The following ADAMTS12 variants were observed in gnomAD, a reference collection of about 807,000 sequenced individuals.
ADAMTS12 encodes ADAM metallopeptidase with thrombospondin type 1 motif 12, also known as A disintegrin and metalloproteinase with thrombospondin motifs 12.
A neutral mutation model predicts 167.8 loss-of-function variants in ADAMTS12; 118 were observed. The ratio of observed to expected loss-of-function variants is 0.70; its 90% CI spans 0.61 to 0.82. The LOEUF (loss-of-function observed/expected upper bound fraction) is 0.82. Among genes scored for constraint, ADAMTS12 ranks in the 40% least tolerant of loss-of-function variants. ADAMTS12 has a pLI of 0.00. For missense variants in ADAMTS12, 1,916 were observed against 1,998.8 expected (o/e 0.96, Z 0.79); for synonymous variants, 704 against 716.9 (o/e 0.98, Z 0.29).
At chr5:33,690,947 A>C (rs892327449) in intron 3 of ADAMTS12, among the ~76,000 whole-genome samples, 3 of 152,160 alleles carry the variant, frequency 2.0e-5, no homozygotes, top group African/African-American at 7.2e-5. Context: ...AAAATGAAGT[A>C]ATCAACCGAG....
rs58073487 is a variant in ADAMTS12, at chr5:33,779,184, A to ATT, written c.490-27638_490-27637dup. 7.6e-3 allele frequency among the ~76,000 whole-genome samples: 1,026 copies of ATT among 135,472 alleles called. 20 individuals are homozygous for ATT. Among genetic ancestry groups the ATT allele is most frequent in the Middle Eastern group, 0.012 (3 of 254 alleles). The allele number at this position is 135,472 out of a possible 152,430, so 88.9% of individuals were successfully genotyped here. ...TATATCCAAAGGAACTGAAATTAGT[A>ATT]TTTTTTTTTTTTTTTTTTTGAGACG... On this transcript the variant is annotated intron_variant, in intron 2 of 23. Transcript: ENST00000504830.
At chr5:33,631,040 T>A in intron 12 of ADAMTS12, 127 bp from the exon 13 acceptor site, 1 of 1,017,428 alleles carries the variant, frequency 9.8e-7, no homozygotes, top group Non-Finnish European at 1.4e-6. Context: ...TTCACCTCCT[T>A]GAGACACATG....
rs111792611 is a variant in ADAMTS12 at position 33,648,897 on chromosome 5, G to C, written c.1404C>G (p.Pro468=). 8 of 1,613,868 alleles carry C rather than the reference G, an allele frequency of 5.0e-6. No homozygotes were observed. The South Asian group carries it at 8.8e-5, about 18-fold the overall frequency. The part of the protein sequence containing the change: ...KKGLKSKVIA[P]GVIYDVHHQC... ...GGTGGTGAACATCATAGATCACTCC[G>C]GGGGCAATGACCTTGGACTTCAAGC... The change falls in exon 9 of 24, where the codon CCC becomes CCG. Residue 468 remains proline, a synonymous_variant. Transcript: ENST00000504830.
At chr5:33,784,483 G>A (rs1746259556) in intron 2 of ADAMTS12, among the ~76,000 whole-genome samples, 1 of 151,692 alleles carries the variant, frequency 6.6e-6, no homozygotes, top group Admixed American at 6.6e-5. Context: ...GACATAACAA[G>A]CAAATTTAGC....
chr5:33,760,557 A>ACAT (rs1418272306), intron 2 of ADAMTS12, among the ~76,000 whole-genome samples: 5 of 152,204 alleles, frequency 3.3e-5, no homozygotes, highest in Admixed American at 3.3e-4. Context: ...AGCTGGCCTG[A>ACAT]CATACATGCT....
intron 5 of ADAMTS12, among the ~76,000 whole-genome samples, chr5:33,675,486 GA>G (rs1330369847): frequency 6.6e-6 from 1 of 152,130 alleles, no homozygotes; most frequent in African/African-American, 2.4e-5. Flanking sequence ...TTGATGAAGA[GA>G]AAAAATGCTA....
intron 3 of ADAMTS12, among the ~76,000 whole-genome samples, chr5:33,730,292 GTGT>G (rs1744143654): frequency 1.2e-4 from 17 of 141,728 alleles, no homozygotes; most frequent in African/African-American, 4.5e-4. Flanking sequence ...CCATTAGGGT[GTGT>G]GTGTGTGTGT....
chr5:33,576,881 T>C lies in ADAMTS12; in HGVS notation c.3145A>G (p.Ser1049Gly). 1 of 1,614,190 alleles carries C rather than the reference T, an allele frequency of 6.2e-7. No individual in the cohort carries two copies. Among genetic ancestry groups the C allele is most frequent in the South Asian group, 1.1e-5 (1 of 91,078 alleles). ...GAGGCTGTGGTAGGACTAGGGCTGC[T>C]GATTGCTGGAGTGCTTGTGCTCATA... ...ESMSTSTPAI[S>G]SPSPTTASKE... The change falls in exon 19 of 24, where the codon AGC becomes GGC. Residue 1049 changes from serine to glycine, a missense_variant. By Grantham distance (56) the Ser-to-Gly change is moderately conservative. Transcript: ENST00000504830.
At chr5:33,747,893 G>T (rs1157975222) in intron 3 of ADAMTS12, among the ~76,000 whole-genome samples, 4 of 152,088 alleles carry the variant, frequency 2.6e-5, no homozygotes, top group Non-Finnish European at 4.4e-5. Context: ...AGACAAAGAG[G>T]TATATTCTAT....
At chr5:33,708,085 TAAAC>T (rs1743263018) in intron 3 of ADAMTS12, among the ~76,000 whole-genome samples, 1 of 151,936 alleles carries the variant, frequency 6.6e-6, no homozygotes, top group African/African-American at 2.4e-5. Flanking sequence ...ACAAGGAACT[TAAAC>T]AAATTTACAA....
chr5:33,665,658 G>GC (rs1192622952), intron 5 of ADAMTS12, among the ~76,000 whole-genome samples: 4 of 152,158 alleles, frequency 2.6e-5, no homozygotes, highest in Non-Finnish European at 1.5e-5. Context: ...CAGATGTTGT[G>GC]CCAAACCTCT....
chr5:33,603,433 T>C (rs1738282343), intron 16 of ADAMTS12: 1 of 152,208 alleles, frequency 6.6e-6, no homozygotes, highest in Non-Finnish European at 1.5e-5. Context: ...ATAAATTACT[T>C]TCATTAAGCC....
At chr5:33,754,306 C>G (rs1745098235) in intron 2 of ADAMTS12, among the ~76,000 whole-genome samples, 1 of 152,200 alleles carries the variant, frequency 6.6e-6, no homozygotes, top group African/African-American at 2.4e-5. Flanking sequence ...GCAACCTGCC[C>G]ACTTCTCTTA....
At chr5:33,698,288 T>C (rs143183194) in intron 3 of ADAMTS12, among the ~76,000 whole-genome samples, 3 of 152,278 alleles carry the variant, frequency 2.0e-5, no homozygotes, top group African/African-American at 7.2e-5. Context: ...CAAGCTGGGA[T>C]GATGAGAGGA....
intron 2 of ADAMTS12, among the ~76,000 whole-genome samples, chr5:33,774,004 T>C (rs1191950886): frequency 6.6e-6 from 1 of 152,164 alleles, no homozygotes; most frequent in African/African-American, 2.4e-5. Flanking sequence ...ACTGGGGGTG[T>C]GGCCTTTGGG....
intron 2 of ADAMTS12, among the ~76,000 whole-genome samples, chr5:33,861,448 T>C (rs1406908481): frequency 2.0e-5 from 3 of 152,032 alleles, no homozygotes; most frequent in Non-Finnish European, 4.4e-5. Context: ...TACATAATGG[T>C]AAAGAGATCA....
chr5:33,545,251 C>A (rs959931849), intron 22 of ADAMTS12, among the ~76,000 whole-genome samples: 9 of 152,154 alleles, frequency 5.9e-5, no homozygotes, highest in Non-Finnish European at 1.2e-4. Flanking sequence ...CCAACAGACA[C>A]ATGAAAAAAT....
At position 33,524,407 on chromosome 5, in the gene ADAMTS12, T is replaced by C. The variant is rs1743713310; in HGVS notation, c.*2781A>G. On this transcript the variant is annotated 3_prime_UTR_variant, in exon 24 of 24. Coordinates refer to ENST00000504830, the MANE Select transcript of ADAMTS12 (RefSeq NM_030955.4). ...ACTGGGTTTTAGAACGTTAATGTAG[T>C]TAAGTACCAGGCCCTGCGATGGCCC... 1 of 152,188 alleles carries C rather than the reference T, an allele frequency of 6.6e-6. No homozygotes were observed. Among genetic ancestry groups the C allele is most frequent in the Admixed American group, 6.6e-5 (1 of 15,266 alleles). 9.4% of individuals were successfully genotyped at this position (152,188 alleles called of 1,614,324 possible).
intron 3 of ADAMTS12, among the ~76,000 whole-genome samples, chr5:33,729,154 T>C (rs573770460): frequency 1.2e-4 from 19 of 152,312 alleles, no homozygotes; most frequent in African/African-American, 4.6e-4. Flanking sequence ...ATACAAACTA[T>C]TAAAAAGGTA....
Sources: allele counts gnomAD v4.1 joint callset (sites outside exome capture counted in the v4.1 genomes callset), GRCh38; gene constraint gnomAD v4.1.1; transcripts MANE v1.5; gene names NCBI Gene and HGNC (gene_info 2026-07-23, HGNC 2026-07-21).